The following GPC5 variants were observed in gnomAD, a reference collection of about 807,000 sequenced individuals.
The protein encoded by GPC5 is glypican 5, also known as glypican-5.
Under a neutral mutation model 53.9 loss-of-function variants are expected in GPC5, and 47 were observed. The observed-to-expected ratio is 0.87, with a 90% confidence interval of 0.69 to 1.11. GPC5 has a LOEUF of 1.11. GPC5 is among the 50% of genes most tolerant of loss of function. The pLI is 0.00. For missense variants in GPC5, 748 were observed against 713.1 expected, an observed-to-expected ratio of 1.05 and a Z score of -0.56; for synonymous variants, 286 against 263.3, an observed-to-expected ratio of 1.09 and a Z score of -0.84.
At chr13:92,125,255 A>C (rs1223132692) in intron 6 of GPC5, among the ~76,000 whole-genome samples, 1 of 152,196 alleles carries the variant, frequency 6.6e-6, no homozygotes, top group Non-Finnish European at 1.5e-5. Flanking sequence ...CAGACTTTTA[A>C]AAGAGTGAGA....
intron 7 of GPC5, among the ~76,000 whole-genome samples, chr13:92,574,738 G>A (rs1211877763): frequency 6.6e-6 from 1 of 152,166 alleles, no homozygotes; most frequent in Non-Finnish European, 1.5e-5. Flanking sequence ...ACTTTGAGGT[G>A]AGCAGGAGAG....
At chr13:92,400,300 C>CT (rs1486821808) in intron 7 of GPC5, among the ~76,000 whole-genome samples, 1 of 152,114 alleles carries the variant, frequency 6.6e-6, no homozygotes, top group East Asian at 1.9e-4. Flanking sequence ...AAAAAGCTCC[C>CT]TTTTTGTTAG....
chr13:92,277,644 T>G (rs935838371), intron 7 of GPC5, among the ~76,000 whole-genome samples: 5 of 152,030 alleles, frequency 3.3e-5, no homozygotes, highest in African/African-American at 1.2e-4. Flanking sequence ...CTTTGTTTTT[T>G]ATCGTTGCTG....
chr13:92,182,495 G>A (rs1403139594), intron 7 of GPC5, among the ~76,000 whole-genome samples: 1 of 152,152 alleles, frequency 6.6e-6, no homozygotes, highest in African/African-American at 2.4e-5. Flanking sequence ...GGTATAATGA[G>A]TCAATTTAAG....
intron 7 of GPC5, among the ~76,000 whole-genome samples, chr13:92,555,113 T>A (rs1882449726): frequency 6.6e-6 from 1 of 151,332 alleles, no homozygotes; most frequent in African/African-American, 2.4e-5. Context: ...ATCATGAAAT[T>A]GTGCACTAAA....
chr13:92,839,105 T>A (rs1469313050), intron 7 of GPC5, among the ~76,000 whole-genome samples: 3 of 152,236 alleles, frequency 2.0e-5, no homozygotes, highest in Non-Finnish European at 2.9e-5. Flanking sequence ...CTTCAGCACT[T>A]GTTGCCTGAG....
At chr13:91,481,143 A>G (rs893860666) in intron 2 of GPC5, among the ~76,000 whole-genome samples, 13 of 152,040 alleles carry the variant, frequency 8.6e-5, no homozygotes, top group Non-Finnish European at 1.6e-4. Context: ...CTTAGACTAC[A>G]TTTGTTTTTT....
At chr13:91,876,087 T>C (rs914779197) in intron 5 of GPC5, among the ~76,000 whole-genome samples, 1 of 152,184 alleles carries the variant, frequency 6.6e-6, no homozygotes, top group Admixed American at 6.5e-5. Context: ...TTTTTCTCTT[T>C]CCCCTGTCAT....
At chr13:92,038,509 T>C (rs1042152151) in intron 6 of GPC5, among the ~76,000 whole-genome samples, 7 of 150,862 alleles carry the variant, frequency 4.6e-5, no homozygotes, top group Admixed American at 4.6e-4. Flanking sequence ...TTAATGAATA[T>C]TTCCTCCTCA....
chr13:92,096,851 T>C (rs1191088786), intron 6 of GPC5, among the ~76,000 whole-genome samples: 1 of 152,120 alleles, frequency 6.6e-6, no homozygotes, highest in African/African-American at 2.4e-5. Context: ...TAACAAATCT[T>C]AAAAATGTGC....
intron 1 of GPC5, among the ~76,000 whole-genome samples, chr13:91,447,139 A>C (rs576372745): frequency 6.6e-6 from 1 of 152,300 alleles, no homozygotes; most frequent in South Asian, 2.1e-4. Flanking sequence ...TATATATTTA[A>C]ATTCCAAAGA....
chr13:92,704,018 A>G (rs1174957261), intron 7 of GPC5, among the ~76,000 whole-genome samples: 1 of 152,070 alleles, frequency 6.6e-6, no homozygotes, highest in Non-Finnish European at 1.5e-5. Flanking sequence ...GTATTCTAAT[A>G]TTATCCTCAT....
At chr13:92,288,584 C>T (rs7997185) in intron 7 of GPC5, among the ~76,000 whole-genome samples, 10,730 of 152,138 alleles carry the variant, frequency 0.071, 1,291 homozygotes, top group African/African-American at 0.24. Flanking sequence ...CTTAATCAGG[C>T]ACTCCCCTGG....
At chr13:91,462,996 A>G (rs1882029638) in intron 2 of GPC5, among the ~76,000 whole-genome samples, 1 of 152,084 alleles carries the variant, frequency 6.6e-6, no homozygotes, top group Non-Finnish European at 1.5e-5. Context: ...TCTAGAAAGC[A>G]ATTTGACAGC....
chr13:91,497,984 G>T (rs1288218540), intron 2 of GPC5, among the ~76,000 whole-genome samples: 3 of 152,036 alleles, frequency 2.0e-5, no homozygotes, highest in African/African-American at 7.2e-5. Flanking sequence ...TGATTTTAAT[G>T]TAAAGATTTA....
At chr13:91,414,846 G>T (rs1013073544) in intron 1 of GPC5, among the ~76,000 whole-genome samples, 9 of 152,172 alleles carry the variant, frequency 5.9e-5, no homozygotes, top group African/African-American at 1.9e-4. Flanking sequence ...ATGAAGGTGG[G>T]TTGGGGGGTG....
At chr13:92,155,499 G>A (rs1593939303) in intron 7 of GPC5, among the ~76,000 whole-genome samples, 1 of 151,898 alleles carries the variant, frequency 6.6e-6, no homozygotes, top group Admixed American at 6.6e-5. Context: ...TTTTCTAGGA[G>A]GCTTTTATTG....
intron 6 of GPC5, among the ~76,000 whole-genome samples, chr13:91,923,305 C>T (rs1381236227): frequency 1.3e-5 from 2 of 152,062 alleles, no homozygotes; most frequent in Non-Finnish European, 2.9e-5. Context: ...TGTGCTTTGA[C>T]GACGTAGTTT....
intron 7 of GPC5, among the ~76,000 whole-genome samples, chr13:92,626,662 T>C (rs1289566115): frequency 6.6e-6 from 1 of 152,150 alleles, no homozygotes; most frequent in East Asian, 1.9e-4. Flanking sequence ...TGGGTTGGAT[T>C]AAAGGTGGCC....
Sources: allele counts gnomAD v4.1 joint callset (sites outside exome capture counted in the v4.1 genomes callset), GRCh38; gene constraint gnomAD v4.1.1; transcripts MANE v1.5; gene names NCBI Gene and HGNC (gene_info 2026-07-23, HGNC 2026-07-21).